ADGRL2: variants seen among roughly 807,000 people sequenced by gnomAD.
ADGRL2 encodes calcium-independent alpha-latrotoxin receptor 2.
In ADGRL2, 44 loss-of-function variants were observed where a neutral mutation model predicts 157.4. That is an observed-to-expected ratio of 0.28 (90% CI 0.22 to 0.36). The LOEUF (loss-of-function observed/expected upper bound fraction) is 0.36. Among genes scored for constraint, ADGRL2 ranks in the 10% least tolerant of loss-of-function variants. The pLI is 1.00. For synonymous variants in ADGRL2, 585 were observed against 624.7 expected (o/e 0.94, Z 0.95); for missense variants, 1,510 against 1,768.9 (o/e 0.85, Z 2.63).
chr1:81,987,914 A>G (rs1464430983), intron 23 of ADGRL2, 28 bp downstream of exon 23: 1 of 329,456 alleles, frequency 3.0e-6, no homozygotes, highest in Non-Finnish European at 6.5e-6. Context: ...AACTTTGCCT[A>G]TCAAATGTAA....
At chr1:81,499,419 T>G (rs758537970) in intron 2 of ADGRL2, among the ~76,000 whole-genome samples, 1 of 152,218 alleles carries the variant, frequency 6.6e-6, no homozygotes, top group Non-Finnish European at 1.5e-5. Flanking sequence ...TTGGCCTGAG[T>G]GATGGATCTC....
chr1:81,612,157 C>T (rs1371062032), intron 3 of ADGRL2, among the ~76,000 whole-genome samples: 1 of 151,996 alleles, frequency 6.6e-6, no homozygotes, highest in Non-Finnish European at 1.5e-5. Flanking sequence ...TGAATAGGAC[C>T]CAGGAATCAA....
intron 3 of ADGRL2, among the ~76,000 whole-genome samples, chr1:81,911,962 G>A (rs1312524636): frequency 6.6e-6 from 1 of 151,302 alleles, no homozygotes; most frequent in African/African-American, 2.4e-5. Context: ...AACTAGCCTG[G>A]CTCCTTCAAA....
intron 1 of ADGRL2, among the ~76,000 whole-genome samples, chr1:81,812,138 T>C (rs1336549491): frequency 6.6e-6 from 1 of 151,842 alleles, no homozygotes; most frequent in African/African-American, 2.4e-5. Context: ...AGTATTTCTA[T>C]AAAATGGTGA....
rs949556048 is a variant in ADGRL2 at position 81,993,932 on chromosome 1, A to G, written c.*2787A>G. 2 of 253,066 alleles carry G rather than the reference A, an allele frequency of 7.9e-6. No individual in the cohort carries two copies. Among genetic ancestry groups the G allele is most frequent in the Admixed American group, 4.7e-5 (1 of 21,218 alleles). 15.7% of individuals were successfully genotyped at this position (253,066 alleles called of 1,614,324 possible). On this transcript the variant is annotated 3_prime_UTR_variant, in exon 24 of 24. Transcript: ENST00000686636. Reference sequence around the variant, plus strand: ...AATAATAAACGTTATCTTGTTGGCCAGACTGGTCTCCAACTCCTGGTCTCA... The same window carrying G: ...AATAATAAACGTTATCTTGTTGGCCGGACTGGTCTCCAACTCCTGGTCTCA...
chr1:81,661,396 A>C (rs1388552088), intron 3 of ADGRL2, among the ~76,000 whole-genome samples: 1 of 152,196 alleles, frequency 6.6e-6, no homozygotes, highest in Non-Finnish European at 1.5e-5. Flanking sequence ...ACATTGTATT[A>C]GTGTAACAAT....
intron 1 of ADGRL2, among the ~76,000 whole-genome samples, chr1:81,434,917 A>G (rs1043551552): frequency 1.3e-5 from 2 of 152,202 alleles, no homozygotes; most frequent in African/African-American, 4.8e-5. Context: ...AAATCAGGCA[A>G]CAAGGCACAC....
intron 2 of ADGRL2, among the ~76,000 whole-genome samples, chr1:81,480,181 G>A (rs2078356039): frequency 6.6e-6 from 1 of 152,088 alleles, no homozygotes; most frequent in South Asian, 2.1e-4. Context: ...GAGGCTTTAG[G>A]CATTCGTTTC....
intron 2 of ADGRL2, among the ~76,000 whole-genome samples, chr1:81,891,967 T>TGC (rs1454261072): frequency 1.3e-5 from 2 of 151,734 alleles, no homozygotes; most frequent in Non-Finnish European, 2.9e-5. Context: ...TAAGTGTGTG[T>TGC]GTGTGTGTGT....
At chr1:81,468,688 A>C (rs551232055) in intron 2 of ADGRL2, among the ~76,000 whole-genome samples, 1 of 152,220 alleles carries the variant, frequency 6.6e-6, no homozygotes, top group Non-Finnish European at 1.5e-5. Context: ...TAATCACTGC[A>C]TCAGATTTTT....
intron 2 of ADGRL2, among the ~76,000 whole-genome samples, chr1:81,548,982 G>GCA (rs1235058238): frequency 2.0e-5 from 3 of 152,218 alleles, no homozygotes; most frequent in African/African-American, 7.2e-5. Context: ...GCAGTCCAAA[G>GCA]CTCATTACAA....
intron 2 of ADGRL2, among the ~76,000 whole-genome samples, chr1:81,845,527 G>T (rs376974720): frequency 6.6e-6 from 1 of 151,924 alleles, no homozygotes; most frequent in Non-Finnish European, 1.5e-5. Flanking sequence ...GTAAAAAAGG[G>T]TATCTGATTA....
intron 1 of ADGRL2, 69 bp from the exon 2 acceptor site, chr1:81,836,816 C>A: frequency 4.2e-6 from 2 of 480,702 alleles, no homozygotes; most frequent in South Asian, 3.9e-5. Flanking sequence ...GAGAGAGGAA[C>A]GGAGAGAGAG....
At chr1:81,715,596 G>A (rs1164933693) in intron 1 of ADGRL2, among the ~76,000 whole-genome samples, 1 of 152,088 alleles carries the variant, frequency 6.6e-6, no homozygotes, top group African/African-American at 2.4e-5. Flanking sequence ...TGTTAAGCGT[G>A]GAGTAAGAGT....
At chr1:81,583,086 C>T (rs2080950381) in intron 3 of ADGRL2, among the ~76,000 whole-genome samples, 1 of 152,098 alleles carries the variant, frequency 6.6e-6, no homozygotes. Context: ...ACTAGAAACT[C>T]CTATACAAAA....
intron 1 of ADGRL2, among the ~76,000 whole-genome samples, chr1:81,755,607 A>G (rs890564671): frequency 7.2e-5 from 11 of 152,150 alleles, no homozygotes; most frequent in African/African-American, 2.7e-4. Context: ...TGAATTGACC[A>G]TGTCCACACA....
At chr1:81,950,538 A>G (rs534173472) in intron 7 of ADGRL2, 56 bp downstream of exon 7, 3 of 1,424,534 alleles carry the variant, frequency 2.1e-6, no homozygotes, top group Admixed American at 2.1e-5. Context: ...TAGGTTCTGT[A>G]TTACAGTGAA....
chr1:81,685,945 C>G (rs2148971285), intron 3 of ADGRL2, among the ~76,000 whole-genome samples: 1 of 152,198 alleles, frequency 6.6e-6, no homozygotes, highest in African/African-American at 2.4e-5. Flanking sequence ...CATTTATTGA[C>G]TTGTATATGT....
intron 1 of ADGRL2, among the ~76,000 whole-genome samples, chr1:81,374,957 TG>T (rs1407647356): frequency 1.3e-5 from 2 of 152,186 alleles, no homozygotes; most frequent in Non-Finnish European, 2.9e-5. Flanking sequence ...TTTGTCCAGA[TG>T]GCTCTCATTT....
Sources: allele counts gnomAD v4.1 joint callset (sites outside exome capture counted in the v4.1 genomes callset), GRCh38; gene constraint gnomAD v4.1.1; transcripts MANE v1.5; gene names NCBI Gene and HGNC (gene_info 2026-07-23, HGNC 2026-07-21).